Variants in SLC24A2 observed in about 807,000 individuals in gnomAD.
SLC24A2 encodes solute carrier family 24 member 2.
A neutral mutation model predicts 62.0 loss-of-function variants in SLC24A2; 36 were observed. That is an observed-to-expected ratio of 0.58 (90% confidence interval 0.44 to 0.77). The LOEUF (loss-of-function observed/expected upper bound fraction) is 0.77. Among genes scored for constraint, SLC24A2 ranks in the 30% least tolerant of loss-of-function variants. The pLI is 0.00. For missense variants in SLC24A2, 846 were observed against 817.9 expected (o/e 1.03, Z -0.42); for synonymous variants, 358 against 294.0 (o/e 1.22, Z -2.23).
the SLC24A2 span, among the ~76,000 whole-genome samples, chr9:20,261,312 G>T: frequency 6.6e-6 from 1 of 151,878 alleles, no homozygotes; most frequent in South Asian, 2.1e-4. Context: ...TTTAGCTCAT[G>T]GTTGTGGAGG....
the SLC24A2 span, among the ~76,000 whole-genome samples, chr9:20,245,620 G>T: frequency 3.3e-5 from 5 of 152,146 alleles, no homozygotes; most frequent in African/African-American, 1.2e-4. Flanking sequence ...AGAACAGCTT[G>T]GTCTTCAGAT....
chr9:20,024,679 C>T, the SLC24A2 span, among the ~76,000 whole-genome samples: 1 of 152,056 alleles, frequency 6.6e-6, no homozygotes, highest in African/African-American at 2.4e-5. Flanking sequence ...TGTGTGTGTT[C>T]ACTTGTGTGT....
At chr9:19,642,467 G>A (rs917308594) in intron 2 of SLC24A2, among the ~76,000 whole-genome samples, 12 of 152,080 alleles carry the variant, frequency 7.9e-5, no homozygotes, top group African/African-American at 1.7e-4. Flanking sequence ...GACACCAGCT[G>A]GCAGTGTACA....
chr9:19,636,390 C>CCTCTCTCTCTCT (rs199847385), intron 2 of SLC24A2, among the ~76,000 whole-genome samples: 2 of 66,976 alleles, frequency 3.0e-5, no homozygotes, highest in African/African-American at 7.5e-5. Context: ...TTTCTTTCTC[C>CCTCTCTCTCTCT]CTCTCTCTCT....
At chr9:20,305,766 G>T in the SLC24A2 span, among the ~76,000 whole-genome samples, 2 of 152,156 alleles carry the variant, frequency 1.3e-5, no homozygotes, top group Admixed American at 1.3e-4. Flanking sequence ...AATGGCAAGC[G>T]GCTGAATTGG....
the SLC24A2 span, among the ~76,000 whole-genome samples, chr9:20,166,802 G>C: frequency 1.3e-5 from 2 of 151,848 alleles, no homozygotes. Context: ...AATCAGTAAG[G>C]ATGGCAGTAG....
At chr9:19,941,247 A>T in the SLC24A2 span, among the ~76,000 whole-genome samples, 1 of 151,892 alleles carries the variant, frequency 6.6e-6, no homozygotes, top group Non-Finnish European at 1.5e-5. Flanking sequence ...CAAATAAAAA[A>T]AATCTGAAAA....
chr9:20,306,181 G>A, the SLC24A2 span, among the ~76,000 whole-genome samples: 1 of 152,204 alleles, frequency 6.6e-6, no homozygotes, highest in Non-Finnish European at 1.5e-5. Flanking sequence ...ACAACTCTGT[G>A]ATGTTGGAAG....
intron 8 of SLC24A2, among the ~76,000 whole-genome samples, chr9:19,534,618 C>T (rs1014018395): frequency 6.6e-6 from 1 of 151,738 alleles, no homozygotes; most frequent in African/African-American, 2.4e-5. Flanking sequence ...GTTTAGTTTT[C>T]TGTTCTTGTG....
chr9:19,783,677 A>G (rs1305490886), intron 2 of SLC24A2, among the ~76,000 whole-genome samples: 1 of 152,228 alleles, frequency 6.6e-6, no homozygotes, highest in Non-Finnish European at 1.5e-5. Flanking sequence ...ATTACAGAAA[A>G]AATTCCAGCA....
the SLC24A2 span, among the ~76,000 whole-genome samples, chr9:20,250,817 T>A: frequency 1.3e-5 from 2 of 152,208 alleles, no homozygotes; most frequent in Admixed American, 6.5e-5. Flanking sequence ...ACAGAATGAC[T>A]ATATGGGTCA....
chr9:19,776,765 C>G (rs1228274936), intron 2 of SLC24A2, among the ~76,000 whole-genome samples: 1 of 152,166 alleles, frequency 6.6e-6, no homozygotes, highest in African/African-American at 2.4e-5. Context: ...AGACTCTGGT[C>G]TTCTGTTTAG....
the SLC24A2 span, among the ~76,000 whole-genome samples, chr9:20,214,464 A>C: frequency 6.6e-6 from 1 of 151,980 alleles, no homozygotes; most frequent in Non-Finnish European, 1.5e-5. Flanking sequence ...ATACAAAAAA[A>C]ATTAGCTGGG....
intron 2 of SLC24A2, among the ~76,000 whole-genome samples, chr9:19,775,095 T>C (rs567868173): frequency 6.6e-6 from 1 of 152,276 alleles, no homozygotes; most frequent in South Asian, 2.1e-4. Context: ...TGATGCAAAA[T>C]TGTGACTGCA....
chr9:19,621,831 T>C (rs1352110135), intron 3 of SLC24A2, among the ~76,000 whole-genome samples: 1 of 152,148 alleles, frequency 6.6e-6, no homozygotes, highest in Non-Finnish European at 1.5e-5. Flanking sequence ...AGTATATAGG[T>C]CTCATGCAGC....
chr9:19,965,023 G>C, the SLC24A2 span, among the ~76,000 whole-genome samples: 1 of 152,072 alleles, frequency 6.6e-6, no homozygotes, highest in Non-Finnish European at 1.5e-5. Context: ...CAGCCTTATG[G>C]AGACTGCGTA....
At chr9:19,899,468 A>G in the SLC24A2 span, among the ~76,000 whole-genome samples, 1 of 152,200 alleles carries the variant, frequency 6.6e-6, no homozygotes, top group African/African-American at 2.4e-5. Flanking sequence ...GCTATGTTAT[A>G]CAACTATAAT....
the SLC24A2 span, among the ~76,000 whole-genome samples, chr9:20,006,110 A>G: frequency 6.6e-6 from 1 of 151,748 alleles, no homozygotes; most frequent in East Asian, 1.9e-4. Flanking sequence ...AATACAATAT[A>G]TACACATAGT....
At chr9:20,253,875 C>T in the SLC24A2 span, among the ~76,000 whole-genome samples, 8 of 152,078 alleles carry the variant, frequency 5.3e-5, no homozygotes, top group Admixed American at 6.6e-5. Context: ...CTGGGCACCG[C>T]AATTACTTCT....
Sources: gnomAD v4.1 joint callset for allele counts (sites outside exome capture counted in the v4.1 genomes callset) on GRCh38, gnomAD v4.1.1 for gene constraint, MANE v1.5 for transcripts, NCBI Gene and HGNC (gene_info 2026-07-23, HGNC 2026-07-21) for gene names.